Variants in ZNF141 observed in about 807,000 individuals in gnomAD.
ZNF141 encodes zinc finger protein 141 (clone pHZ-44).
Under a neutral mutation model 11.3 loss-of-function variants are expected in ZNF141, and 7 were observed. The observed-to-expected ratio is 0.62, with a 90% CI of 0.35 to 1.16. The LOEUF (loss-of-function observed/expected upper bound fraction) is 1.16, where lower values mean the gene tolerates loss of function less well. Among genes scored for constraint, ZNF141 ranks in the 50% most tolerant of loss-of-function variants. The pLI is 0.02. For missense variants in ZNF141, 535 were observed against 554.0 expected (o/e 0.97, Z 0.34); for synonymous variants, 183 against 190.7 (o/e 0.96, Z 0.33).
chr4:373,466 A>T lies in ZNF141; in HGVS notation c.1029A>T (p.Glu343Asp), dbSNP rs782686512. Residue 343 changes from glutamate (E) to aspartate (D), a missense_variant, in exon 4 of 4, where the codon GAA (glutamate) becomes GAT (aspartate). Transcript: ENST00000240499. ...HTGEKPYTCE[E>D]CGKAFRQSSK... ...GAGAGAAACCCTACACATGTGAAGA[A>T]TGTGGCAAAGCTTTTAGACAGTCCT... 7 of 1,614,176 alleles carry T rather than the reference A, an allele frequency of 4.3e-6. No homozygotes were observed. In the South Asian group the frequency reaches 5.5e-5, roughly 13 times the overall value.
chr4:343,597 C>T (rs1310351044), intron 1 of ZNF141, among the ~76,000 whole-genome samples, 185 bp from the exon 2 acceptor site: 1 of 151,836 alleles, frequency 6.6e-6, no homozygotes, highest in Non-Finnish European at 1.5e-5. Context: ...TGGTGGCGGG[C>T]ACATGTAGTC....
rs73064385 is a variant in ZNF141 at position 337,975 on chromosome 4, A to G, written c.-9A>G. On this transcript the variant is annotated 5_prime_UTR_variant, in exon 1 of 4. Coordinates refer to ENST00000240499, the MANE Select transcript of ZNF141 (RefSeq NM_003441.4). ...AGCTAAGACTCCCGAATACTTCAGA[A>G]GTGGGGAAATGGTGAGTGTGCGGGG... 4.5e-3 allele frequency: 7,180 copies of G among 1,613,252 alleles called. 275 individuals are homozygous for G. In the African/African-American group the frequency reaches 0.081, roughly 18 times the overall value.
Position 375,289 on chromosome 4 carries a change from C to T in ZNF141, c.*1427C>T, listed in dbSNP as rs896537544. 6.6e-6 allele frequency: 1 copy of T among 152,046 alleles called. No homozygotes were observed. The highest frequency in any genetic ancestry group is 1.5e-5 in the Non-Finnish European group (1 of 67,940). The allele number at this position is 152,046 out of a possible 1,614,324, so 9.4% of individuals were successfully genotyped here. ...AAAGAGGGTTGTAGTACCTGTACTT[C>T]TCTCATGGATTTTGTTGTACACATT... On this transcript the variant is annotated 3_prime_UTR_variant, in exon 4 of 4. Transcript: ENST00000240499.
At chr4:364,123 G>A (rs1386729825) in intron 3 of ZNF141, among the ~76,000 whole-genome samples, 1 of 152,176 alleles carries the variant, frequency 6.6e-6, no homozygotes, top group African/African-American at 2.4e-5. Flanking sequence ...TCACATCGAT[G>A]TTCCTCAGGG....
chr4:367,010 C>G (rs1711775887), intron 3 of ZNF141, among the ~76,000 whole-genome samples: 1 of 152,138 alleles, frequency 6.6e-6, no homozygotes, highest in African/African-American at 2.4e-5. Context: ...TTGAACATGG[C>G]TTTGTGATTT....
chr4:367,706 G>A (rs113095740), intron 3 of ZNF141, among the ~76,000 whole-genome samples: 26,806 of 151,722 alleles, frequency 0.18, 2,967 homozygotes, highest in Non-Finnish European at 0.23. Flanking sequence ...TTGTAGAGAC[G>A]GGGTTTCACC....
At chr4:370,583 GTTATC>G (rs1367301484) in intron 3 of ZNF141, among the ~76,000 whole-genome samples, 12 of 152,204 alleles carry the variant, frequency 7.9e-5, no homozygotes, top group South Asian at 6.2e-4. Context: ...AGATTCACTT[GTTATC>G]TTATAAGAGC....
At chr4:342,716 G>C in intron 1 of ZNF141, 19 of 1,101,670 alleles carry the variant, frequency 1.7e-5, no homozygotes, top group Middle Eastern at 2.9e-4. Flanking sequence ...TCTGCCCACA[G>C]ATCCTGTCCA....
chr4:342,798 C>A, intron 1 of ZNF141: 1 of 1,586,180 alleles, frequency 6.3e-7, no homozygotes, highest in Non-Finnish European at 8.7e-7. Context: ...GAAAATAATA[C>A]AGCACTACAG....
chr4:358,826 G>C (rs1156947760), intron 3 of ZNF141, among the ~76,000 whole-genome samples: 1 of 150,608 alleles, frequency 6.6e-6, no homozygotes, highest in African/African-American at 2.4e-5. Context: ...CATCCGCCTC[G>C]GCCTCCCAAA....
At position 378,304 on chromosome 4, in the gene ZNF141, CTG is replaced by C. The variant is rs1422408987; in HGVS notation, c.*4444_*4445del. On this transcript the variant is annotated 3_prime_UTR_variant, in exon 4 of 4. Coordinates refer to ENST00000240499, the MANE Select transcript of ZNF141 (RefSeq NM_003441.4). ...TATTTATTTTAGATGGAGCCCCACT[CTG>C]TCACCAGGCTGGAGTGCAGTGGTGC... 1.3e-5 allele frequency: 2 copies of C among 152,168 alleles called. No individual in the cohort carries two copies. Among genetic ancestry groups the C allele is most frequent in the African/African-American group, 4.8e-5 (2 of 41,454 alleles). The allele number at this position is 152,168 out of a possible 1,614,324, so 9.4% of individuals were successfully genotyped here. A position where few individuals can be genotyped will look rare whatever the true frequency, so the allele number is the denominator to read the frequency against.
intron 3 of ZNF141, among the ~76,000 whole-genome samples, chr4:356,838 G>C (rs1208813517): frequency 6.6e-6 from 1 of 150,756 alleles, no homozygotes; most frequent in Non-Finnish European, 1.5e-5. Context: ...GTGTTTTCTT[G>C]AATTTTTGTT....
At chr4:366,115 G>T (rs1452277204) in intron 3 of ZNF141, among the ~76,000 whole-genome samples, 9 of 151,960 alleles carry the variant, frequency 5.9e-5, no homozygotes, top group African/African-American at 2.2e-4. Flanking sequence ...GCTATTTGGG[G>T]GTCTTTGGTT....
chr4:347,315 G>T (rs1414500410), intron 3 of ZNF141, among the ~76,000 whole-genome samples: 1 of 150,090 alleles, frequency 6.7e-6, no homozygotes. Context: ...GGGATTACAG[G>T]AGTGAGACAC....
At chr4:342,848 TC>T in intron 1 of ZNF141, 2 of 1,608,832 alleles carry the variant, frequency 1.2e-6, no homozygotes, top group South Asian at 2.2e-5. Context: ...TTGAAATTCA[TC>T]CCAACTGTAG....
At chr4:359,288 C>G (rs956418205) in intron 3 of ZNF141, among the ~76,000 whole-genome samples, 8 of 151,570 alleles carry the variant, frequency 5.3e-5, no homozygotes, top group Admixed American at 4.6e-4. Flanking sequence ...ATCAATAAGA[C>G]TGGTGCTGAG....
At chr4:346,315 C>G (rs1553849481) in intron 3 of ZNF141, among the ~76,000 whole-genome samples, 1 of 152,078 alleles carries the variant, frequency 6.6e-6, no homozygotes, top group Non-Finnish European at 1.5e-5. Flanking sequence ...GTTTGTGTGA[C>G]ATGGATTTTT....
chr4:376,654 T>C lies in ZNF141; in HGVS notation c.*2792T>C, dbSNP rs1191165861. Among the ~76,000 whole-genome samples, 1 of 152,114 alleles carries C rather than the reference T, an allele frequency of 6.6e-6. No individual in the cohort carries two copies. Among genetic ancestry groups the C allele is most frequent in the African/African-American group, 2.4e-5 (1 of 41,458 alleles). The stretch of plus-strand genomic sequence containing the variant: ...ATTTACATGAAGTTAAGTATGTAAA[T>C]GTGTTGCTGTAAAGATAAACCTTAG... On this transcript the variant is annotated 3_prime_UTR_variant, in exon 4 of 4. Coordinates refer to ENST00000240499, the MANE Select transcript of ZNF141 (RefSeq NM_003441.4).
intron 3 of ZNF141, among the ~76,000 whole-genome samples, chr4:371,776 G>A (rs924951468): frequency 1.6e-4 from 25 of 151,556 alleles, no homozygotes; most frequent in African/African-American, 5.3e-4. Context: ...TCCTGACCTC[G>A]TGATCCACCC....
Sources: allele counts gnomAD v4.1 joint callset (sites outside exome capture counted in the v4.1 genomes callset), GRCh38; gene constraint gnomAD v4.1.1; transcripts MANE v1.5; gene names NCBI Gene and HGNC (gene_info 2026-07-23, HGNC 2026-07-21).